Variants in RANBP3 observed in about 807,000 individuals in gnomAD.
The protein encoded by RANBP3 is RAN binding protein 3, also known as ran-binding protein 3.
A neutral mutation model predicts 77.3 loss-of-function variants in RANBP3; 14 were observed. That is an observed-to-expected ratio of 0.18 (90% CI 0.12 to 0.28). The LOEUF (loss-of-function observed/expected upper bound fraction) is 0.28, where lower values mean the gene tolerates loss of function less well. RANBP3 is among the 10% of genes least tolerant of loss of function. The probability of loss-of-function intolerance (pLI) is 1.00; values close to 1 mark genes in which losing one functional copy is unlikely to be tolerated. For missense variants in RANBP3, 586 were observed against 752.3 expected (o/e 0.78, Z 2.59); for synonymous variants, 315 against 312.4 (o/e 1.01, Z -0.09).
intron 13 of RANBP3, 118 bp downstream of exon 13, chr19:5,923,076 C>T (rs1409719077): frequency 6.4e-6 from 5 of 783,558 alleles, no homozygotes; most frequent in East Asian, 5.0e-5. Context: ...GGGCCAGTGG[C>T]CCCTCCGTCA....
intron 5 of RANBP3, among the ~76,000 whole-genome samples, chr19:5,936,847 G>A (rs748302719): frequency 1.5e-4 from 23 of 152,110 alleles, no homozygotes; most frequent in Middle Eastern, 6.8e-3. Context: ...CACGTGGGGA[G>A]AAGGGCAAGC....
intron 5 of RANBP3, among the ~76,000 whole-genome samples, chr19:5,936,933 G>A (rs932553120): frequency 2.0e-5 from 3 of 151,564 alleles, no homozygotes; most frequent in Non-Finnish European, 4.4e-5. Flanking sequence ...GTGAGTGCCT[G>A]TAATCCCAGC....
chr19:5,974,037 C>G (rs1599809469), intron 1 of RANBP3, among the ~76,000 whole-genome samples: 1 of 152,176 alleles, frequency 6.6e-6, no homozygotes, highest in African/African-American at 2.4e-5. Flanking sequence ...TCCCCACCCC[C>G]ACTCCCCAGG....
Position 5,959,532 on chromosome 19 carries a change from C to T in RANBP3, c.23-1559G>A, listed in dbSNP as rs953893325. On this transcript the variant is annotated intron_variant, in intron 1 of 16. Transcript: ENST00000340578. This position sits in a 1 kb window ranked among gnomAD's most constrained non-coding sequence, Gnocchi z 5.1. Reference sequence around the variant, plus strand: ...GGCAAACACTGGAGTGAGTGGCGTGCGCGAGACCCAGGGGCTACAAGGGAG... The same window carrying T: ...GGCAAACACTGGAGTGAGTGGCGTGTGCGAGACCCAGGGGCTACAAGGGAG... 3.9e-5 allele frequency among the ~76,000 whole-genome samples: 6 copies of T among 151,962 alleles called. No individual in the cohort carries two copies. Among genetic ancestry groups the T allele is most frequent in the Non-Finnish European group, 1.5e-5 (1 of 67,986 alleles).
In RANBP3 at chr19:5,968,681, A is replaced by C. The variant is rs541811045; in HGVS notation, c.22+9380T>G. Among the ~76,000 whole-genome samples, 178 of 152,342 alleles carry C rather than the reference A, an allele frequency of 1.2e-3. 1 individual carries two copies. Among genetic ancestry groups the C allele is most frequent in the African/African-American group, 4.0e-3 (168 of 41,580 alleles). On this transcript the variant is annotated intron_variant, in intron 1 of 16. Coordinates refer to ENST00000340578, the MANE Select transcript of RANBP3 (RefSeq NM_007322.3). ...CCTGGGACACTCAAGGCAAACGCTC[A>C]GGTGCTCGGAATGCCTGAGCCCTTC... is the stretch of plus-strand genomic sequence containing the variant.
chr19:5,942,211 G>A (rs2058147004), intron 3 of RANBP3, among the ~76,000 whole-genome samples: 1 of 152,176 alleles, frequency 6.6e-6, no homozygotes, highest in African/African-American at 2.4e-5. Context: ...CACCCTTGAG[G>A]GCAGCGGACT....
rs376936585 is a variant in RANBP3, at chr19:5,924,880, C to T, written c.943G>A (p.Asp315Asn). Reference sequence around the variant, plus strand: ...AATACAAATTTGTTGCTGGAGGCGTCGGCACTATTGGTTGAGTTCTCTAAA... The same window carrying T: ...AATACAAATTTGTTGCTGGAGGCGTTGGCACTATTGGTTGAGTTCTCTAAA... Reference protein sequence around the residue: ...SSLENSTNSADASSNKFVFGQ... With the variant: ...SSLENSTNSANASSNKFVFGQ... The change falls in exon 11 of 17, where the codon GAC (aspartate) becomes AAC (asparagine). Residue 315 changes from aspartate to asparagine, a missense_variant. Around this residue, in one of 5 missense-constraint regions of RANBP3, gnomAD observed 232 missense variants for 271.7 expected, o/e 0.85. Coordinates refer to ENST00000340578, the MANE Select transcript of RANBP3 (RefSeq NM_007322.3). This position sits in a 1 kb window ranked among gnomAD's most constrained non-coding sequence, Gnocchi z 4.7. 1.1e-5 allele frequency: 18 copies of T among 1,614,010 alleles called. No homozygotes were observed. The highest frequency in any genetic ancestry group is 5.5e-5 in the South Asian group (5 of 91,086).
At chr19:5,960,100 C>T (rs940686519) in intron 1 of RANBP3, among the ~76,000 whole-genome samples, 4 of 152,196 alleles carry the variant, frequency 2.6e-5, no homozygotes, top group Admixed American at 6.5e-5. Context: ...CCCATGTCAC[C>T]GAGAGGGGCC....
At chr19:5,941,437 C>T (rs1254009629) in intron 5 of RANBP3, among the ~76,000 whole-genome samples, 184 bp downstream of exon 5, 3 of 152,250 alleles carry the variant, frequency 2.0e-5, no homozygotes, top group Admixed American at 1.3e-4. Flanking sequence ...TGATTCGAGA[C>T]GAGGACCCCT....
Position 5,978,072 on chromosome 19 carries a change from A to T in RANBP3, c.11T>A (p.Leu4Gln). Residue 4 changes from leucine to glutamine, a missense_variant, in exon 1 of 17, where the codon CTG becomes CAG. Around this residue, in one of 5 missense-constraint regions of RANBP3, gnomAD observed 172 missense variants for 183.4 expected, o/e 0.94. Coordinates refer to ENST00000340578, the MANE Select transcript of RANBP3 (RefSeq NM_007322.3). ...GGCGCCTCCCCTACCTTCGTTCGCC[A>T]GGTCCGCCATTTTACTTCCTTAAGC... MAD[L>Q]ANEEKPAIAP... 6.2e-7 allele frequency: 1 copy of T among 1,610,830 alleles called. No homozygotes were observed. Among genetic ancestry groups the T allele is most frequent in the Non-Finnish European group, 8.5e-7 (1 of 1,178,690 alleles).
intron 5 of RANBP3, among the ~76,000 whole-genome samples, chr19:5,941,378 T>G (rs1300750556): frequency 6.6e-6 from 1 of 152,176 alleles, no homozygotes; most frequent in African/African-American, 2.4e-5. Context: ...GGACGATCTC[T>G]TCACAGTCTT....
At chr19:5,932,632 A>T (rs2058009016) in intron 6 of RANBP3, 88 bp from the exon 7 acceptor site, 1 of 1,041,698 alleles carries the variant, frequency 9.6e-7, no homozygotes, top group East Asian at 2.5e-5. Context: ...ATCCCATTTC[A>T]TGCCCCTTGC....
chr19:5,933,222 G>A (rs2058019090), intron 6 of RANBP3, 192 bp downstream of exon 6: 1 of 527,250 alleles, frequency 1.9e-6, no homozygotes, highest in Non-Finnish European at 3.4e-6. Flanking sequence ...AACACACGAC[G>A]CTCACAGTCA....
chr19:5,923,797 G>A lies in RANBP3; in HGVS notation c.1099+15C>T. 2 of 1,583,468 alleles carry A rather than the reference G, an allele frequency of 1.3e-6. No homozygotes were observed. The highest frequency in any genetic ancestry group is 1.7e-5 in the Admixed American group (1 of 59,958). On this transcript the variant is annotated intron_variant, in intron 12 of 16. Coordinates refer to ENST00000340578, the MANE Select transcript of RANBP3 (RefSeq NM_007322.3). ...CCTACCATGAGCCCCATGCTGTGGT[G>A]GGACGCTAACATACCTTTCTCAGGG...
Position 5,972,584 on chromosome 19 carries a change from T to C in RANBP3, c.22+5477A>G, listed in dbSNP as rs559044706. The stretch of plus-strand genomic sequence containing the variant: ...GCTACCAAATGCCCAGCCAAGCCAA[T>C]ACCAGCCATCTCGGCAGTTTTGTGG... On this transcript the variant is annotated intron_variant, in intron 1 of 16. Coordinates refer to ENST00000340578, the MANE Select transcript of RANBP3 (RefSeq NM_007322.3). Among the ~76,000 whole-genome samples the C allele has an allele frequency of 7.2e-5, 11 of 152,274 alleles. No homozygotes were observed. The East Asian group carries it at 1.9e-3, about 27-fold the overall frequency.
At chr19:5,957,847 A>G in intron 2 of RANBP3, 71 bp downstream of exon 2, 1 of 1,564,934 alleles carries the variant, frequency 6.4e-7, no homozygotes, top group Non-Finnish European at 8.8e-7. Flanking sequence ...TGCGACCTGG[A>G]AAAGAGACTC....
At chr19:5,970,439 A>G (rs1460054493) in intron 1 of RANBP3, among the ~76,000 whole-genome samples, 2 of 152,088 alleles carry the variant, frequency 1.3e-5, no homozygotes, top group East Asian at 1.9e-4. Context: ...TTGGGTGTCA[A>G]TGAAATCCCA....
chr19:5,961,474 T>C (rs1218078407), intron 1 of RANBP3, among the ~76,000 whole-genome samples: 4 of 151,758 alleles, frequency 2.6e-5, no homozygotes, highest in Admixed American at 2.6e-4. Flanking sequence ...GGCTCATGCC[T>C]GTAATCCCAG....
At chr19:5,932,428 G>A (rs1379131780) in intron 7 of RANBP3, 24 bp downstream of exon 7, 1 of 1,607,004 alleles carries the variant, frequency 6.2e-7, no homozygotes, top group African/African-American at 1.3e-5. Flanking sequence ...TCTGGGCCTG[G>A]GCGCCAGGGC....
Sources: allele counts gnomAD v4.1 joint callset (sites outside exome capture counted in the v4.1 genomes callset), GRCh38; gene constraint gnomAD v4.1.1; regional missense constraint gnomAD v4.1.1; non-coding constraint Gnocchi (gnomAD v3.1); transcripts MANE v1.5; gene names NCBI Gene and HGNC (gene_info 2026-07-23, HGNC 2026-07-21).